LYPLAL1: variants seen among roughly 807,000 people sequenced by gnomAD.
The protein encoded by LYPLAL1 is lysophospholipase-like protein 1.
In LYPLAL1, 23 loss-of-function variants were observed where a neutral mutation model predicts 19.7. The observed-to-expected ratio is 1.17, with a 90% confidence interval of 0.84 to 1.65. The LOEUF is 1.65. Among genes scored for constraint, LYPLAL1 ranks in the 40% most tolerant of loss-of-function variants. LYPLAL1 has a pLI of 0.00. For synonymous variants in LYPLAL1, 119 were observed against 96.3 expected (o/e 1.24, Z -1.38); for missense variants, 355 against 279.4 (o/e 1.27, Z -1.93).
chr1:219,288,140 T>G, the LYPLAL1 span, among the ~76,000 whole-genome samples: 1 of 152,210 alleles, frequency 6.6e-6, no homozygotes, highest in South Asian at 2.1e-4. Flanking sequence ...AGTTAAAAAT[T>G]TGTATCCACA....
At chr1:219,364,403 G>A in the LYPLAL1 span, among the ~76,000 whole-genome samples, 21 of 152,012 alleles carry the variant, frequency 1.4e-4, no homozygotes, top group East Asian at 5.8e-4. Flanking sequence ...TGACCTTTGC[G>A]TTCTAGCCTT....
At chr1:219,300,608 CA>C in the LYPLAL1 span, among the ~76,000 whole-genome samples, 1 of 145,844 alleles carries the variant, frequency 6.9e-6, no homozygotes, top group Non-Finnish European at 1.5e-5. Context: ...ATTCTGGGCT[CA>C]CTGCAAGCTC....
chr1:219,425,204 G>C, the LYPLAL1 span, among the ~76,000 whole-genome samples: 1 of 152,120 alleles, frequency 6.6e-6, no homozygotes. Context: ...CCATTTATAA[G>C]GAGTCCACTT....
intron 3 of LYPLAL1, among the ~76,000 whole-genome samples, chr1:219,207,060 A>C (rs1658633133): frequency 6.6e-6 from 1 of 151,974 alleles, no homozygotes; most frequent in Non-Finnish European, 1.5e-5. Context: ...TCTTTAGTTA[A>C]ATAAAATATA....
the LYPLAL1 span, among the ~76,000 whole-genome samples, chr1:219,228,543 C>T: frequency 6.6e-5 from 10 of 151,964 alleles, no homozygotes; most frequent in Non-Finnish European, 1.0e-4. Flanking sequence ...ATTTTGTTTA[C>T]TACGATTACG....
chr1:219,269,826 A>G, the LYPLAL1 span, among the ~76,000 whole-genome samples: 1 of 152,362 alleles, frequency 6.6e-6, no homozygotes, highest in Middle Eastern at 3.4e-3. Flanking sequence ...TCTGATATAG[A>G]GGCATCATTT....
chr1:219,224,576 C>T, the LYPLAL1 span, among the ~76,000 whole-genome samples: 4 of 152,150 alleles, frequency 2.6e-5, no homozygotes, highest in African/African-American at 9.7e-5. Context: ...AAACATAATT[C>T]TCCTTATGGA....
At chr1:219,239,906 G>A in the LYPLAL1 span, among the ~76,000 whole-genome samples, 5 of 152,228 alleles carry the variant, frequency 3.3e-5, no homozygotes, top group South Asian at 4.1e-4. Flanking sequence ...GGTAATCAAC[G>A]GATTTGCCGA....
At chr1:219,230,219 T>C in the LYPLAL1 span, among the ~76,000 whole-genome samples, 1 of 152,112 alleles carries the variant, frequency 6.6e-6, no homozygotes, top group Non-Finnish European at 1.5e-5. Flanking sequence ...TTCAAGCAAT[T>C]TTCCTGCCTC....
the LYPLAL1 span, among the ~76,000 whole-genome samples, chr1:219,410,726 G>C: frequency 1.3e-5 from 2 of 152,226 alleles, no homozygotes; most frequent in Non-Finnish European, 2.9e-5. Context: ...GCGTGGGCTT[G>C]GTGGGCCCCG....
intron 3 of LYPLAL1, among the ~76,000 whole-genome samples, chr1:219,201,936 T>C (rs1268926091): frequency 6.6e-6 from 1 of 152,220 alleles, no homozygotes; most frequent in Non-Finnish European, 1.5e-5. Flanking sequence ...TTTTTTGTTG[T>C]GGTGGTTGTT....
the LYPLAL1 span, among the ~76,000 whole-genome samples, chr1:219,372,026 CT>C: frequency 6.6e-6 from 1 of 152,224 alleles, no homozygotes; most frequent in Non-Finnish European, 1.5e-5. Context: ...ACCCCTTCCC[CT>C]GGTCCCTCAG....
chr1:219,425,407 A>T, the LYPLAL1 span, among the ~76,000 whole-genome samples: 6 of 152,198 alleles, frequency 3.9e-5, no homozygotes, highest in Non-Finnish European at 7.3e-5. Context: ...TTTGATTCAA[A>T]ATATAAGCAG....
chr1:219,393,787 T>A, the LYPLAL1 span, among the ~76,000 whole-genome samples: 1 of 151,082 alleles, frequency 6.6e-6, no homozygotes, highest in Non-Finnish European at 1.5e-5. Flanking sequence ...AAGTTGCTTC[T>A]AAGTAAGATA....
At chr1:219,274,789 A>G in the LYPLAL1 span, among the ~76,000 whole-genome samples, 1 of 152,188 alleles carries the variant, frequency 6.6e-6, no homozygotes, top group Admixed American at 6.5e-5. Flanking sequence ...AAAGCAGTCA[A>G]AGGAATGGAT....
chr1:219,416,485 A>G, the LYPLAL1 span, among the ~76,000 whole-genome samples: 2 of 152,228 alleles, frequency 1.3e-5, no homozygotes. Flanking sequence ...GCAATCTTCT[A>G]TTGAAGGGTA....
At chr1:219,258,803 CA>C in the LYPLAL1 span, among the ~76,000 whole-genome samples, 10 of 152,010 alleles carry the variant, frequency 6.6e-5, no homozygotes, top group African/African-American at 2.4e-4. Flanking sequence ...TTCTGCACAG[CA>C]AAAGGAATAG....
chr1:219,268,062 A>C, the LYPLAL1 span, among the ~76,000 whole-genome samples: 1 of 152,244 alleles, frequency 6.6e-6, no homozygotes, highest in Non-Finnish European at 1.5e-5. Flanking sequence ...TTAAGCACTT[A>C]CTATGTGTTA....
the LYPLAL1 span, among the ~76,000 whole-genome samples, chr1:219,270,009 G>C: frequency 6.6e-6 from 1 of 152,186 alleles, no homozygotes; most frequent in Non-Finnish European, 1.5e-5. Context: ...AAGTCCTACT[G>C]ATGACCAAAT....
Sources: allele counts gnomAD v4.1 joint callset (sites outside exome capture counted in the v4.1 genomes callset), GRCh38; gene constraint gnomAD v4.1.1; transcripts MANE v1.5; gene names NCBI Gene and HGNC (gene_info 2026-07-23, HGNC 2026-07-21).